PTPRD: variants seen among roughly 807,000 people sequenced by gnomAD.
PTPRD encodes the protein protein tyrosine phosphatase receptor type D, also known as receptor-type tyrosine-protein phosphatase delta.
Under a neutral mutation model 214.5 loss-of-function variants are expected in PTPRD, and 34 were observed. That is an observed-to-expected ratio of 0.16 (90% CI 0.12 to 0.21). PTPRD has a LOEUF of 0.21. Ranked by LOEUF, PTPRD falls within the 10% of genes least tolerant of loss-of-function variation. PTPRD has a pLI of 1.00. For missense variants in PTPRD, 2,545 were observed against 2,398.7 expected, an observed-to-expected ratio of 1.06 and a Z score of -1.27; for synonymous variants, 1,128 against 845.7, an observed-to-expected ratio of 1.33 and a Z score of -5.79.
At chr9:9,008,183 A>T (rs1286136155) in intron 11 of PTPRD, among the ~76,000 whole-genome samples, 2 of 136,700 alleles carry the variant, frequency 1.5e-5, no homozygotes, top group Non-Finnish European at 3.2e-5. Flanking sequence ...TCTGTTAGGT[A>T]ACACAGGCCT....
chr9:10,167,007 A>G (rs2154293894), intron 3 of PTPRD, among the ~76,000 whole-genome samples: 1 of 152,292 alleles, frequency 6.6e-6, no homozygotes, highest in East Asian at 1.9e-4. Flanking sequence ...TGGTTAAAAC[A>G]AAGTATTCAC....
At chr9:10,206,333 T>C (rs1564520444) in intron 3 of PTPRD, among the ~76,000 whole-genome samples, 1 of 152,144 alleles carries the variant, frequency 6.6e-6, no homozygotes, top group East Asian at 1.9e-4. Flanking sequence ...TACCAAAGAA[T>C]CTCTGCTTTC....
intron 2 of PTPRD, among the ~76,000 whole-genome samples, chr9:10,464,478 G>A (rs1177461937): frequency 7.2e-6 from 1 of 138,156 alleles, no homozygotes; most frequent in Non-Finnish European, 1.7e-5. Context: ...GAGGAAGGGA[G>A]AAAGACAGGA....
chr9:9,792,609 T>C (rs544374493), intron 5 of PTPRD, among the ~76,000 whole-genome samples: 20 of 152,284 alleles, frequency 1.3e-4, no homozygotes, highest in African/African-American at 4.8e-4. Context: ...AGATATTACA[T>C]ACATTGCTTC....
At chr9:10,122,166 G>C (rs2098781082) in intron 3 of PTPRD, among the ~76,000 whole-genome samples, 1 of 152,038 alleles carries the variant, frequency 6.6e-6, no homozygotes, top group East Asian at 1.9e-4. Context: ...AAATTAGCTG[G>C]GCATGGTGGT....
At chr9:10,443,785 T>C (rs1432132587) in intron 2 of PTPRD, among the ~76,000 whole-genome samples, 4 of 151,190 alleles carry the variant, frequency 2.6e-5, no homozygotes, top group African/African-American at 4.9e-5. Context: ...CTTCAGAAGA[T>C]GTTAATTAGA....
chr9:10,445,830 G>A (rs1344078663), intron 2 of PTPRD, among the ~76,000 whole-genome samples: 1 of 151,996 alleles, frequency 6.6e-6, no homozygotes, highest in East Asian at 1.9e-4. Context: ...AGCAAGTGAG[G>A]TCTACTTTTA....
chr9:9,425,434 T>C (rs570307910), intron 8 of PTPRD, among the ~76,000 whole-genome samples: 2 of 147,122 alleles, frequency 1.4e-5, no homozygotes, highest in Admixed American at 6.8e-5. Flanking sequence ...TAATATCTTA[T>C]ACATTATATA....
intron 7 of PTPRD, among the ~76,000 whole-genome samples, chr9:9,661,136 C>T (rs2096614587): frequency 6.6e-6 from 1 of 151,816 alleles, no homozygotes; most frequent in Non-Finnish European, 1.5e-5. Context: ...AAATATGAAA[C>T]CTGTGCCATA....
intron 5 of PTPRD, among the ~76,000 whole-genome samples, chr9:9,888,741 T>A (rs188828326): frequency 2.0e-5 from 3 of 152,232 alleles, no homozygotes; most frequent in East Asian, 3.9e-4. Context: ...CAAATAGGCC[T>A]CTTTTCTTTG....
chr9:8,697,349 G>T (rs374403615), intron 12 of PTPRD, among the ~76,000 whole-genome samples: 1 of 149,828 alleles, frequency 6.7e-6, no homozygotes, highest in South Asian at 2.1e-4. Context: ...TTCTTTTCCT[G>T]GTGGAATTTT....
At chr9:8,842,222 A>T (rs780285827) in intron 11 of PTPRD, among the ~76,000 whole-genome samples, 1 of 152,186 alleles carries the variant, frequency 6.6e-6, no homozygotes, top group Non-Finnish European at 1.5e-5. Flanking sequence ...AAAAAGAGAA[A>T]GGCATTTGGA....
chr9:9,930,702 A>C (rs1220917541), intron 5 of PTPRD, among the ~76,000 whole-genome samples: 1 of 152,128 alleles, frequency 6.6e-6, no homozygotes, highest in African/African-American at 2.4e-5. Context: ...TACACTTGAC[A>C]CAAATATAAT....
chr9:9,866,662 T>C (rs1461601080), intron 5 of PTPRD, among the ~76,000 whole-genome samples: 1 of 152,172 alleles, frequency 6.6e-6, no homozygotes, highest in Non-Finnish European at 1.5e-5. Context: ...TAGCATAAGC[T>C]TCTATTGAGA....
At chr9:9,943,853 C>T (rs2092096636) in intron 4 of PTPRD, among the ~76,000 whole-genome samples, 1 of 152,096 alleles carries the variant, frequency 6.6e-6, no homozygotes, top group African/African-American at 2.4e-5. Context: ...GCTGGGAGTG[C>T]TGCTGGACTG....
chr9:8,650,356 T>C (rs1281947942), intron 12 of PTPRD, among the ~76,000 whole-genome samples: 2 of 151,774 alleles, frequency 1.3e-5, no homozygotes, highest in East Asian at 2.0e-4. Context: ...ATGGAGAAAC[T>C]CTGTCTCTAC....
intron 11 of PTPRD, among the ~76,000 whole-genome samples, chr9:8,833,213 C>A (rs764657887): frequency 3.9e-5 from 6 of 152,064 alleles, no homozygotes; most frequent in Non-Finnish European, 7.4e-5. Flanking sequence ...GAAGACCTTG[C>A]TAATGAAATA....
Position 9,808,726 on chromosome 9 carries a change from A to G in PTPRD, c.-367-41875T>C, listed in dbSNP as rs964923025. Reference sequence around the variant, plus strand: ...TTTACTATCCACTCTAAAATTGCCTAGAGACCCAACTTTCATCTCCCTTAT... The same window carrying G: ...TTTACTATCCACTCTAAAATTGCCTGGAGACCCAACTTTCATCTCCCTTAT... On this transcript the variant is annotated intron_variant, in intron 5 of 45. Transcript: ENST00000381196. 7.9e-5 allele frequency among the ~76,000 whole-genome samples: 12 copies of G among 152,230 alleles called. No individual in the cohort carries two copies. In the East Asian group the frequency reaches 2.3e-3, roughly 29 times the overall value.
chr9:10,594,486 T>G (rs1276681046), intron 2 of PTPRD, among the ~76,000 whole-genome samples: 1 of 151,904 alleles, frequency 6.6e-6, no homozygotes, highest in Non-Finnish European at 1.5e-5. Flanking sequence ...TATACCTGAG[T>G]TTTCAGTTAA....
Sources: gnomAD v4.1 joint callset for allele counts (sites outside exome capture counted in the v4.1 genomes callset) on GRCh38, gnomAD v4.1.1 for gene constraint, MANE v1.5 for transcripts, NCBI Gene and HGNC (gene_info 2026-07-23, HGNC 2026-07-21) for gene names.